PTAFR: variants seen among roughly 807,000 people sequenced by gnomAD.
The protein encoded by PTAFR is platelet-activating factor receptor.
In PTAFR, 8 loss-of-function variants were observed where a neutral mutation model predicts 14.7. That is an observed-to-expected ratio of 0.54 (90% CI 0.32 to 0.98). The LOEUF is 0.98. Among genes scored for constraint, PTAFR ranks in the 50% least tolerant of loss-of-function variants. PTAFR has a pLI of 0.04. For missense variants in PTAFR, 337 were observed against 451.2 expected, an observed-to-expected ratio of 0.75 and a Z score of 2.29; for synonymous variants, 156 against 176.5, an observed-to-expected ratio of 0.88 and a Z score of 0.92.
At chr1:28,152,762 T>C (rs536527718) in intron 1 of PTAFR, among the ~76,000 whole-genome samples, 10 of 151,532 alleles carry the variant, frequency 6.6e-5, no homozygotes, top group Non-Finnish European at 8.8e-5. Context: ...AAATAAGTAA[T>C]AAATAATAAT....
chr1:28,184,416 G>A (rs1424839674), intron 1 of PTAFR, among the ~76,000 whole-genome samples: 1 of 151,834 alleles, frequency 6.6e-6, no homozygotes, highest in Non-Finnish European at 1.5e-5. Context: ...ATACAGCAAC[G>A]CGGTTGAACT....
chr1:28,155,186 A>G (rs573364414), intron 1 of PTAFR, among the ~76,000 whole-genome samples: 2 of 151,800 alleles, frequency 1.3e-5, no homozygotes, highest in East Asian at 3.9e-4. Context: ...GCTCTTCCCT[A>G]CCCACTCCTC....
At chr1:28,189,557 G>A (rs1373146613) in intron 1 of PTAFR, among the ~76,000 whole-genome samples, 1 of 151,746 alleles carries the variant, frequency 6.6e-6, no homozygotes, top group Admixed American at 6.6e-5. Flanking sequence ...AGGTTGCAGT[G>A]AGCCGAGATG....
chr1:28,187,606 G>A (rs114133239), intron 1 of PTAFR, among the ~76,000 whole-genome samples: 3,403 of 152,100 alleles, frequency 0.022, 139 homozygotes, highest in African/African-American at 0.077. Flanking sequence ...CTGGGCTCAA[G>A]CCATCCTCCC....
chr1:28,173,711 T>C (rs1167938274), intron 1 of PTAFR, among the ~76,000 whole-genome samples: 3 of 150,636 alleles, frequency 2.0e-5, no homozygotes, highest in African/African-American at 7.3e-5. Flanking sequence ...TTGACATGCT[T>C]CTCCCATTAG....
intron 1 of PTAFR, among the ~76,000 whole-genome samples, chr1:28,152,095 C>T (rs1646196618): frequency 6.6e-6 from 1 of 151,984 alleles, no homozygotes; most frequent in Admixed American, 6.5e-5. Flanking sequence ...AGGGGTTTTG[C>T]TATGTTGCCC....
intron 1 of PTAFR, among the ~76,000 whole-genome samples, chr1:28,188,999 A>C (rs1646628985): frequency 6.6e-6 from 1 of 152,290 alleles, no homozygotes; most frequent in Admixed American, 6.5e-5. Flanking sequence ...GAAGAAATTC[A>C]AGTCTGGCAG....
Position 28,193,175 on chromosome 1 carries a change from C to CTG in PTAFR, c.-39+545_-39+546dup, listed in dbSNP as rs141778632. On this transcript the variant is annotated intron_variant, in intron 1 of 1. Transcript: ENST00000305392. ...TACAGATGGTTGCATTGCTGTGTGT[C>CTG]TGTGTGTGTGTGTGTGTAGGGAAGA... 8.4e-3 allele frequency among the ~76,000 whole-genome samples: 1,264 copies of CTG among 149,994 alleles called. 16 individuals carry two copies. Among genetic ancestry groups the CTG allele is most frequent in the African/African-American group, 0.021 (858 of 40,944 alleles).
chr1:28,188,583 A>T (rs569222897), intron 1 of PTAFR, among the ~76,000 whole-genome samples: 2 of 152,282 alleles, frequency 1.3e-5, no homozygotes, highest in Non-Finnish European at 2.9e-5. Flanking sequence ...TACTAAAAAT[A>T]CAAAAAATTA....
At chr1:28,163,883 GA>G (rs1646353627) in intron 1 of PTAFR, among the ~76,000 whole-genome samples, 1 of 152,232 alleles carries the variant, frequency 6.6e-6, no homozygotes. Flanking sequence ...AAGAAAAGAA[GA>G]GGCTCAGACC....
intron 1 of PTAFR, among the ~76,000 whole-genome samples, chr1:28,166,000 G>C (rs1216867029): frequency 6.6e-6 from 1 of 152,070 alleles, no homozygotes; most frequent in Admixed American, 6.5e-5. Flanking sequence ...ACAACAAATA[G>C]TCAAAACAAT....
chr1:28,156,195 G>A (rs1479012222), intron 1 of PTAFR, among the ~76,000 whole-genome samples: 4 of 151,784 alleles, frequency 2.6e-5, no homozygotes, highest in East Asian at 1.9e-4. Context: ...CCCAGTAGGC[G>A]GAGGTTGCAG....
intron 1 of PTAFR, among the ~76,000 whole-genome samples, chr1:28,151,260 A>T (rs1572027864): frequency 6.6e-6 from 1 of 151,548 alleles, no homozygotes; most frequent in African/African-American, 2.4e-5. Flanking sequence ...GCTCACCGCA[A>T]CCTCCGCCTC....
chr1:28,170,789 A>ACG (rs1230871655), intron 1 of PTAFR, among the ~76,000 whole-genome samples: 1 of 151,670 alleles, frequency 6.6e-6, no homozygotes, highest in Non-Finnish European at 1.5e-5. Context: ...TCACAAGATC[A>ACG]GGAGATCGAG....
chr1:28,162,824 G>A (rs1249819415), intron 1 of PTAFR, among the ~76,000 whole-genome samples: 1 of 98,194 alleles, frequency 1.0e-5, no homozygotes, highest in Non-Finnish European at 1.8e-5. Flanking sequence ...GCGAGACTTT[G>A]TCTCCAAAAA....
chr1:28,176,408 A>G (rs952372242), intron 1 of PTAFR, among the ~76,000 whole-genome samples, 184 bp downstream of exon 1: 1 of 145,872 alleles, frequency 6.9e-6, no homozygotes, highest in African/African-American at 2.5e-5. Flanking sequence ...GCGCCACTGC[A>G]CTTCTGCCTG....
intron 1 of PTAFR, among the ~76,000 whole-genome samples, chr1:28,184,510 C>A (rs1572050253): frequency 6.6e-6 from 1 of 152,198 alleles, no homozygotes; most frequent in East Asian, 1.9e-4. Flanking sequence ...AGTCAAAGTC[C>A]TTTAAAGCAC....
At chr1:28,177,551 G>A (rs182547853), upstream of PTAFR, among the ~76,000 whole-genome samples, 1 of 152,272 alleles carries the variant, frequency 6.6e-6, no homozygotes, top group Non-Finnish European at 1.5e-5. Context: ...ACTGAGCCTG[G>A]CCCTGTGTTT....
At chr1:28,160,928 C>T (rs1388942797) in intron 1 of PTAFR, among the ~76,000 whole-genome samples, 1 of 152,174 alleles carries the variant, frequency 6.6e-6, no homozygotes, top group Non-Finnish European at 1.5e-5. Context: ...AAACTTGGTG[C>T]CTATCACTGT....
Sources: gnomAD v4.1 joint callset for allele counts (sites outside exome capture counted in the v4.1 genomes callset) on GRCh38, gnomAD v4.1.1 for gene constraint, MANE v1.5 for transcripts, NCBI Gene and HGNC (gene_info 2026-07-23, HGNC 2026-07-21) for gene names.